STING1: variants seen among roughly 807,000 people sequenced by gnomAD.
STING1 encodes the protein stimulator of interferon genes protein.
A neutral mutation model predicts 31.6 loss-of-function variants in STING1; 19 were observed. That is an observed-to-expected ratio of 0.60 (90% CI 0.42 to 0.88). The LOEUF (loss-of-function observed/expected upper bound fraction) is 0.88, where lower values mean the gene tolerates loss of function less well. Ranked by LOEUF, STING1 falls within the 40% of genes least tolerant of loss-of-function variation. STING1 has a pLI of 0.00. For synonymous variants in STING1, 200 were observed against 208.6 expected, an observed-to-expected ratio of 0.96 and a Z score of 0.35; for missense variants, 371 against 483.7, an observed-to-expected ratio of 0.77 and a Z score of 2.19.
In STING1 at chr5:139,476,480, G is replaced by A. The variant is rs202233738; in HGVS notation, c.947-26C>T. 1,136 of 1,605,584 alleles carry A rather than the reference G, an allele frequency of 7.1e-4. 1 individual carries two copies. Among genetic ancestry groups the A allele is most frequent in the Non-Finnish European group, 9.2e-4 (1,078 of 1,175,376 alleles). ...CTGGAACAGGGAGATAGGGGAGAGA[G>A]TAATGAGGATCTTACCCATTCCCAC... is the stretch of plus-strand genomic sequence containing the variant. On this transcript the variant is annotated intron_variant, in intron 7 of 7. Transcript: ENST00000330794.
chr5:139,477,721 G>A (rs1751706435), intron 6 of STING1, among the ~76,000 whole-genome samples: 1 of 152,132 alleles, frequency 6.6e-6, no homozygotes, highest in African/African-American at 2.4e-5. Context: ...TCTGAAATCA[G>A]GGACACGGCT....
intron 6 of STING1, 89 bp from the exon 7 acceptor site, chr5:139,477,604 C>T (rs1751702232): frequency 2.2e-6 from 3 of 1,372,300 alleles, no homozygotes; most frequent in Non-Finnish European, 3.0e-6. Context: ...CCCCCAGTGC[C>T]ACGGGCTGAG....
intron 5 of STING1, 70 bp from the exon 6 acceptor site, chr5:139,478,578 A>G: frequency 7.4e-7 from 1 of 1,345,228 alleles, no homozygotes; most frequent in Non-Finnish European, 1.1e-6. Flanking sequence ...AGTGAGACCC[A>G]GGTCATTGGC....
chr5:139,477,475 G>T lies in STING1; in HGVS notation c.800C>A (p.Thr267Asn), dbSNP rs746859252. ...CVLEYATPLQ[T>N]LFAMSQYSQA... ...ACTGTATTGTGACATGGCAAACAAA[G>T]TCTGCAAGGGGGTGGCGTACTCCAG... The change falls in exon 7 of 8, where the codon ACT (threonine) becomes AAT (asparagine). Residue 267 changes from threonine (T) to asparagine (N), a missense_variant. By Grantham distance (65) the Thr-to-Asn change is moderately conservative. Coordinates refer to ENST00000330794, the MANE Select transcript of STING1 (RefSeq NM_198282.4). 2 of 1,614,190 alleles carry T rather than the reference G, an allele frequency of 1.2e-6. No individual in the cohort carries two copies. Among genetic ancestry groups the T allele is most frequent in the Non-Finnish European group, 1.7e-6 (2 of 1,180,002 alleles).
In STING1 at chr5:139,481,153, T is replaced by A; in HGVS notation, c.411+6A>T. 6.2e-7 allele frequency: 1 copy of A among 1,613,868 alleles called. No homozygotes were observed. The highest frequency in any genetic ancestry group is 8.5e-7 in the Non-Finnish European group (1 of 1,179,842). ...GCCAGAGCTTCTACCTCCCCCTGTG[T>A]CATACCTTGAGGCCCAGGAGGATGT... On this transcript the variant is annotated splice_donor_region_variant and intron_variant, in intron 4 of 7. Transcript: ENST00000330794. The surrounding 1 kb of genome is among the most constrained non-coding windows in gnomAD (Gnocchi z 4.1).
rs1372183093 is a variant in STING1 at position 139,481,292 on chromosome 5, AG to A, written c.277del (p.Leu93SerfsTer38). The A allele has an allele frequency of 6.2e-7, 1 of 1,612,380 alleles. No homozygotes were observed. Among genetic ancestry groups the A allele is most frequent in the Non-Finnish European group, 8.5e-7 (1 of 1,179,196 alleles). On this transcript the variant is annotated frameshift_variant, in exon 4 of 8. Coordinates refer to ENST00000330794, the MANE Select transcript of STING1 (RefSeq NM_198282.4). LOFTEE classifies it high-confidence loss of function. The surrounding 1 kb of genome is among the most constrained non-coding windows in gnomAD (Gnocchi z 4.1). Reference protein sequence around the residue: ...RTVRACLGCPLRRGALLLLSI... With the variant: ...RTVRACLGCPXRRGALLLLSI... ...CAGCAGCAACAGGGCCCCACGGCGG[AG>A]GGGGCAGCCCAGGCAGGCCCGCACA...
At position 139,481,673 on chromosome 5, in the gene STING1, G is replaced by A. The variant is rs146423746; in HGVS notation, c.32C>T (p.Pro11Leu). MPHSSLHPSI[P>L]CPRGHGAQKA... ...CTGGGCCCCGTGACCCCTGGGACACGGGATGGATGGATGCAGGCTGGAGTG... is the reference window on the plus strand; with the variant it reads ...CTGGGCCCCGTGACCCCTGGGACACAGGATGGATGGATGCAGGCTGGAGTG... Residue 11 changes from proline to leucine, a missense_variant, in exon 3 of 8, where the codon CCG becomes CTG. Pro to Leu is a moderately conservative substitution (Grantham distance 98). Coordinates refer to ENST00000330794, the MANE Select transcript of STING1 (RefSeq NM_198282.4). The surrounding 1 kb of genome is among the most constrained non-coding windows in gnomAD (Gnocchi z 4.1). The A allele has an allele frequency of 4.4e-5, 71 of 1,608,760 alleles. No individual in the cohort carries two copies. The highest frequency in any genetic ancestry group is 5.4e-5 in the Non-Finnish European group (63 of 1,176,468).
Position 139,477,377 on chromosome 5 carries a change from C to T in STING1, c.898G>A (p.Ala300Thr), listed in dbSNP as rs1751694170. ...TTGTTCTGAGACTCAGGGGCATCTG[C>T]CAGGATGTCCTCAAGTGTCCGGCAG... Reference protein sequence around the residue: ...LFCRTLEDILADAPESQNNCR... With the variant: ...LFCRTLEDILTDAPESQNNCR... The change falls in exon 7 of 8, where the codon GCA becomes ACA. Residue 300 changes from alanine to threonine, a missense_variant. Transcript: ENST00000330794. 2 of 1,614,204 alleles carry T rather than the reference C, an allele frequency of 1.2e-6. No homozygotes were observed. Among genetic ancestry groups the T allele is most frequent in the Non-Finnish European group, 1.7e-6 (2 of 1,180,030 alleles).
In STING1 at chr5:139,481,147, C is replaced by A. The variant is rs764655300; in HGVS notation, c.411+12G>T. ...CACTTGGCCAGAGCTTCTACCTCCC[C>A]CTGTGTCATACCTTGAGGCCCAGGA... On this transcript the variant is annotated intron_variant, in intron 4 of 7. Coordinates refer to ENST00000330794, the MANE Select transcript of STING1 (RefSeq NM_198282.4). The surrounding 1 kb of genome is among the most constrained non-coding windows in gnomAD (Gnocchi z 4.1). 1.9e-6 allele frequency: 3 copies of A among 1,613,798 alleles called. No homozygotes were observed. The highest frequency in any genetic ancestry group is 2.5e-6 in the Non-Finnish European group (3 of 1,179,920).
At position 139,481,772 on chromosome 5, in the gene STING1, G is replaced by T; in HGVS notation, c.1-68C>A. On this transcript the variant is annotated intron_variant, in intron 2 of 7. Transcript: ENST00000330794. The surrounding 1 kb of genome is among the most constrained non-coding windows in gnomAD (Gnocchi z 4.1). The stretch of plus-strand genomic sequence containing the variant: ...CCTGCCCTTCTGGGACTGAGGCTCT[G>T]GCTGGGCACTTCCTCCCAGTTCCCC... 7.5e-7 allele frequency: 1 copy of T among 1,340,230 alleles called. No homozygotes were observed. Among genetic ancestry groups the T allele is most frequent in the South Asian group, 1.4e-5 (1 of 73,210 alleles). 83.0% of individuals were successfully genotyped at this position (1,340,230 alleles called of 1,614,324 possible).
chr5:139,476,204 G>A lies in STING1; in HGVS notation c.*57C>T, dbSNP rs1751652957. On this transcript the variant is annotated 3_prime_UTR_variant, in exon 8 of 8. Coordinates refer to ENST00000330794, the MANE Select transcript of STING1 (RefSeq NM_198282.4). ...GCTGGACATTCAGCCACTGAAGAGAGCCCCCAGTCCAGAGGCTTGGAGACC... is the reference window on the plus strand; with the variant it reads ...GCTGGACATTCAGCCACTGAAGAGAACCCCCAGTCCAGAGGCTTGGAGACC... 4.4e-6 allele frequency: 6 copies of A among 1,373,758 alleles called. No homozygotes were observed. In the South Asian group the frequency reaches 7.8e-5, roughly 18 times the overall value. The allele number at this position is 1,373,758 out of a possible 1,614,324, so 85.1% of individuals were successfully genotyped here.
At position 139,478,223 on chromosome 5, in the gene STING1, G is replaced by A. The variant is rs201592766; in HGVS notation, c.759+47C>T. 1.4e-4 allele frequency: 205 copies of A among 1,442,424 alleles called. 5 individuals are homozygous for A. The South Asian group carries it at 2.4e-3, about 17-fold the overall frequency. 89.4% of individuals were successfully genotyped at this position (1,442,424 alleles called of 1,614,324 possible). A position where few individuals can be genotyped will look rare whatever the true frequency, so the allele number is the denominator to read the frequency against. ...GTGCTTGGCTAGGGCCCAGGGTTCT[G>A]GGGTCCTGACCCCTCCTCAGAGACC... On this transcript the variant is annotated intron_variant, in intron 6 of 7. Transcript: ENST00000330794.
At chr5:139,479,956 A>T (rs1751786545) in intron 5 of STING1, among the ~76,000 whole-genome samples, 1 of 140,920 alleles carries the variant, frequency 7.1e-6, no homozygotes, top group African/African-American at 2.6e-5. Flanking sequence ...GTGAGCTGAG[A>T]TTGTGCTACT....
Position 139,479,848 on chromosome 5 carries a change from C to CAAAAAAA in STING1, c.520+935_520+941dup, listed in dbSNP as rs1168023127. Among the ~76,000 whole-genome samples, 44 of 34,918 alleles carry CAAAAAAA rather than the reference C, an allele frequency of 1.3e-3. 4 individuals are homozygous for CAAAAAAA. Among genetic ancestry groups the CAAAAAAA allele is most frequent in the East Asian group, 2.8e-3 (2 of 712 alleles). 22.9% of individuals were successfully genotyped at this position (34,918 alleles called of 152,430 possible). The stretch of plus-strand genomic sequence containing the variant: ...TGAAACCCTGTCTCTACTAAAAATA[C>CAAAAAAA]AAAAAAAAAAAAAAAAAAAAAAAAA... On this transcript the variant is annotated intron_variant, in intron 5 of 7. Transcript: ENST00000330794.
intron 1 of STING1, 47 bp from the exon 2 acceptor site, chr5:139,482,349 G>A (rs368830214): frequency 8.5e-5 from 13 of 152,336 alleles, no homozygotes; most frequent in East Asian, 5.8e-4. Flanking sequence ...CAACACTCTA[G>A]CCCTGGCGTT....
chr5:139,479,320 C>T (rs1409490589), intron 5 of STING1: 2 of 152,156 alleles, frequency 1.3e-5, no homozygotes, highest in African/African-American at 4.8e-5. Context: ...AGGGTCCAGG[C>T]TCTGGACAAA....
chr5:139,477,081 T>C (rs1751683947), intron 7 of STING1, among the ~76,000 whole-genome samples: 1 of 152,104 alleles, frequency 6.6e-6, no homozygotes, highest in African/African-American at 2.4e-5. Context: ...GACTCTTCTG[T>C]TTCCTCTGGA....
At chr5:139,476,574 C>G in intron 7 of STING1, 120 bp from the exon 8 acceptor site, 1 of 855,074 alleles carries the variant, frequency 1.2e-6, no homozygotes, top group South Asian at 1.7e-5. Flanking sequence ...TACCCAAGCC[C>G]CAGCCACTGG....
Position 139,482,611 on chromosome 5 carries a change from T to C in STING1, c.-155A>G, listed in dbSNP as rs1751894225. 6.6e-6 allele frequency: 1 copy of C among 152,232 alleles called. No individual in the cohort carries two copies. The highest frequency in any genetic ancestry group is 1.5e-5 in the Non-Finnish European group (1 of 68,108). 9.4% of individuals were successfully genotyped at this position (152,232 alleles called of 1,614,324 possible). ...CCACCACGATCAAACACACTGTACC[T>C]AACACCTGAGCAGGACTCCACACAC... On this transcript the variant is annotated 5_prime_UTR_variant, in exon 1 of 8. Transcript: ENST00000330794.
Sources: gnomAD v4.1 joint callset for allele counts (sites outside exome capture counted in the v4.1 genomes callset) on GRCh38, gnomAD v4.1.1 for gene constraint, Gnocchi (gnomAD v3.1) non-coding constraint, MANE v1.5 for transcripts, NCBI Gene and HGNC (gene_info 2026-07-23, HGNC 2026-07-21) for gene names.